Variants in PHLDB2 observed in about 807,000 individuals in gnomAD.
The protein encoded by PHLDB2 is pleckstrin homology-like domain family B member 2.
PHLDB2 carries 71 observed loss-of-function variants against 123.6 expected under a neutral mutation model. The ratio of observed to expected loss-of-function variants is 0.57; its 90% CI spans 0.47 to 0.70. The LOEUF is 0.70. Among genes scored for constraint, PHLDB2 ranks in the 30% least tolerant of loss-of-function variants. The pLI is 0.00. For synonymous variants in PHLDB2, 547 were observed against 541.6 expected, an observed-to-expected ratio of 1.01 and a Z score of -0.14; for missense variants, 1,446 against 1,519.5, an observed-to-expected ratio of 0.95 and a Z score of 0.80.
At chr3:111,777,189 T>G (rs1256107705) in intron 1 of PHLDB2, among the ~76,000 whole-genome samples, 1 of 152,102 alleles carries the variant, frequency 6.6e-6, no homozygotes, top group Admixed American at 6.6e-5. Context: ...AGGCATCTTC[T>G]CAAGGACCAA....
At chr3:111,733,690 C>T (rs1041478786) in intron 1 of PHLDB2, among the ~76,000 whole-genome samples, 22 of 152,186 alleles carry the variant, frequency 1.4e-4, no homozygotes, top group Non-Finnish European at 2.8e-4. Flanking sequence ...ATAAAGTAAT[C>T]ACCAAGGAAA....
intron 2 of PHLDB2, among the ~76,000 whole-genome samples, chr3:111,899,446 A>C (rs1282906179): frequency 1.3e-5 from 2 of 152,070 alleles, no homozygotes; most frequent in Non-Finnish European, 2.9e-5. Context: ...AAGCAGTAAT[A>C]TTTTTAAAGG....
At chr3:111,853,027 A>G (rs1342399058) in intron 2 of PHLDB2, among the ~76,000 whole-genome samples, 1 of 152,234 alleles carries the variant, frequency 6.6e-6, no homozygotes. Context: ...AGGAGGTTAA[A>G]AAGTTATTTT....
intron 2 of PHLDB2, among the ~76,000 whole-genome samples, chr3:111,904,405 C>T (rs998737798): frequency 7.2e-5 from 11 of 151,980 alleles, no homozygotes; most frequent in South Asian, 2.1e-4. Flanking sequence ...TTAAGCACTT[C>T]GCCTATTTCT....
chr3:111,949,803 A>G, intron 10 of PHLDB2: 1 of 985,820 alleles, frequency 1.0e-6, no homozygotes, highest in Non-Finnish European at 1.2e-6. Context: ...TCATGGCTAC[A>G]TCTGTCGATC....
chr3:111,950,847 G>T (rs1194513558), intron 10 of PHLDB2, among the ~76,000 whole-genome samples: 1 of 152,196 alleles, frequency 6.6e-6, no homozygotes, highest in Non-Finnish European at 1.5e-5. Context: ...GTGAAAGGTG[G>T]ATGAAGTAAG....
chr3:111,868,390 T>C (rs1292752261), intron 1 of PHLDB2, among the ~76,000 whole-genome samples: 1 of 152,186 alleles, frequency 6.6e-6, no homozygotes, highest in Non-Finnish European at 1.5e-5. Flanking sequence ...TTGCATTTAA[T>C]TGGTATGCGC....
At chr3:111,826,186 GTA>G in intron 1 of PHLDB2, among the ~76,000 whole-genome samples, 1 of 152,006 alleles carries the variant, frequency 6.6e-6, no homozygotes, top group Admixed American at 6.6e-5. Flanking sequence ...GCACGTGTTT[GTA>G]TTCTCAGCTA....
intron 10 of PHLDB2, 105 bp downstream of exon 10, chr3:111,949,180 A>C: frequency 7.4e-7 from 1 of 1,342,534 alleles, no homozygotes; most frequent in Non-Finnish European, 1.0e-6. Flanking sequence ...TGACAAATGT[A>C]TATCTGTTTG....
intron 1 of PHLDB2, among the ~76,000 whole-genome samples, chr3:111,782,721 G>A (rs2060528435): frequency 6.6e-6 from 1 of 152,022 alleles, no homozygotes; most frequent in South Asian, 2.1e-4. Flanking sequence ...GGAATTGTCT[G>A]TCTTTCTTCT....
At chr3:111,777,605 C>A (rs2060289242) in intron 1 of PHLDB2, among the ~76,000 whole-genome samples, 1 of 152,072 alleles carries the variant, frequency 6.6e-6, no homozygotes, top group South Asian at 2.1e-4. Flanking sequence ...ATTCTGTGTT[C>A]ATCTTTATGT....
chr3:111,974,158 C>G (rs2072411121), intron 17 of PHLDB2, among the ~76,000 whole-genome samples: 1 of 152,064 alleles, frequency 6.6e-6, no homozygotes, highest in African/African-American at 2.4e-5. Context: ...TATTAAACTC[C>G]TACTCTCAGC....
intron 9 of PHLDB2, among the ~76,000 whole-genome samples, chr3:111,947,680 C>A (rs1459665036): frequency 6.6e-6 from 1 of 152,178 alleles, no homozygotes; most frequent in African/African-American, 2.4e-5. Flanking sequence ...TTCAGTATTA[C>A]ATATTGAATG....
intron 1 of PHLDB2, among the ~76,000 whole-genome samples, chr3:111,831,246 T>G (rs1378891874): frequency 6.6e-6 from 1 of 152,208 alleles, no homozygotes; most frequent in Non-Finnish European, 1.5e-5. Context: ...AAATCTCAAA[T>G]GTATTATTTA....
intron 1 of PHLDB2, among the ~76,000 whole-genome samples, chr3:111,756,477 C>T (rs1209953916): frequency 6.6e-6 from 1 of 152,038 alleles, no homozygotes; most frequent in Admixed American, 6.6e-5. Flanking sequence ...CAACCCCTGC[C>T]TTTTTTTGTT....
intron 1 of PHLDB2, among the ~76,000 whole-genome samples, chr3:111,776,057 A>C (rs112069100): frequency 1.8e-4 from 28 of 152,266 alleles, no homozygotes; most frequent in African/African-American, 6.7e-4. Context: ...GACAATACAG[A>C]GCAAGCTTCT....
intron 1 of PHLDB2, among the ~76,000 whole-genome samples, chr3:111,751,206 T>C (rs184586140): frequency 1.3e-5 from 2 of 150,072 alleles, no homozygotes; most frequent in Non-Finnish European, 3.0e-5. Flanking sequence ...TGTGTGTGTG[T>C]GCAGACAGAT....
At chr3:111,906,734 C>T (rs1226422730) in intron 2 of PHLDB2, among the ~76,000 whole-genome samples, 2 of 152,232 alleles carry the variant, frequency 1.3e-5, no homozygotes, top group Admixed American at 6.5e-5. Context: ...CAATAGTAAT[C>T]TGCACATAAC....
At chr3:111,858,549 G>A (rs1559871124), upstream of PHLDB2, among the ~76,000 whole-genome samples, 2 of 152,196 alleles carry the variant, frequency 1.3e-5, no homozygotes, top group African/African-American at 4.8e-5. Flanking sequence ...CATATGAAAA[G>A]TGTAATCATT....
Sources: allele counts gnomAD v4.1 joint callset (sites outside exome capture counted in the v4.1 genomes callset), GRCh38; gene constraint gnomAD v4.1.1; transcripts MANE v1.5; gene names NCBI Gene and HGNC (gene_info 2026-07-23, HGNC 2026-07-21).